The following ANKRD16 variants were observed in gnomAD, a reference collection of about 807,000 sequenced individuals.
ANKRD16 encodes the protein ankyrin repeat domain 16.
ANKRD16 carries 35 observed loss-of-function variants against 37.9 expected under a neutral mutation model. The ratio of observed to expected loss-of-function variants is 0.92; its 90% confidence interval spans 0.71 to 1.23. The LOEUF (loss-of-function observed/expected upper bound fraction) is 1.23, where lower values mean the gene tolerates loss of function less well. Among genes scored for constraint, ANKRD16 ranks in the 50% most tolerant of loss-of-function variants. ANKRD16 has a pLI of 0.00. For synonymous variants in ANKRD16, 206 were observed against 197.2 expected (o/e 1.04, Z -0.37); for missense variants, 480 against 469.9 (o/e 1.02, Z -0.20).
chr10:5,882,264 C>T (rs1027775733), intron 5 of ANKRD16, among the ~76,000 whole-genome samples: 1 of 151,834 alleles, frequency 6.6e-6, no homozygotes, highest in Non-Finnish European at 1.5e-5. Context: ...AACAAGTAGG[C>T]CGGGCATGGT....
chr10:5,883,277 C>G, intron 4 of ANKRD16, 110 bp from the exon 5 acceptor site: 1 of 1,109,226 alleles, frequency 9.0e-7, no homozygotes, highest in Non-Finnish European at 1.3e-6. Flanking sequence ...ACGCACAACT[C>G]TCTGGGCAGA....
chr10:5,885,736 C>T lies in ANKRD16; in HGVS notation c.565G>A (p.Val189Met), dbSNP rs779824081. 1.2e-6 allele frequency: 2 copies of T among 1,608,482 alleles called. No individual in the cohort carries two copies. Among genetic ancestry groups the T allele is most frequent in the Non-Finnish European group, 1.7e-6 (2 of 1,178,570 alleles). ...AMHGHLEAVK[V>M]LLKRCQYEPD... ...TATTGTTCTTACCTCTTAAGAAGCA[C>T]CTTGACTGCCTCCAAATGGCCATGC... Residue 189 changes from valine (V) to methionine (M), a missense_variant, in exon 3 of 8, where the codon GTG becomes ATG. Coordinates refer to ENST00000380094, the MANE Select transcript of ANKRD16 (RefSeq NM_019046.3).
At chr10:5,888,676 G>A (rs1842503864) in intron 1 of ANKRD16, among the ~76,000 whole-genome samples, 2 of 152,250 alleles carry the variant, frequency 1.3e-5, no homozygotes, top group South Asian at 4.1e-4. Context: ...TTGAAACAAT[G>A]CATTGGTGCA....
chr10:5,883,618 A>G (rs1274246014), intron 4 of ANKRD16, among the ~76,000 whole-genome samples: 2 of 152,226 alleles, frequency 1.3e-5, no homozygotes, highest in African/African-American at 4.8e-5. Context: ...TCTCTAATCA[A>G]AAAGATGGTT....
At position 5,866,644 on chromosome 10, in the gene ANKRD16, C is replaced by T. The variant is rs1245328045; in HGVS notation, c.*34-3953G>A. Among the ~76,000 whole-genome samples, 1 of 152,222 alleles carries T rather than the reference C, an allele frequency of 6.6e-6. No homozygotes were observed. Among genetic ancestry groups the T allele is most frequent in the Non-Finnish European group, 1.5e-5 (1 of 68,040 alleles). Reference sequence around the variant, plus strand: ...AAGGAAATCATGGAGTTATTGCACGCAGTGCAAAAACCCAAGGAGGTGGCA... The same window carrying T: ...AAGGAAATCATGGAGTTATTGCACGTAGTGCAAAAACCCAAGGAGGTGGCA... On this transcript the variant is annotated intron_variant, in intron 7 of 7. Coordinates refer to ENST00000380094, the MANE Select transcript of ANKRD16 (RefSeq NM_019046.3). The surrounding 1 kb of genome is among the most constrained non-coding windows in gnomAD (Gnocchi z 4.3).
intron 7 of ANKRD16, among the ~76,000 whole-genome samples, chr10:5,873,151 T>A (rs1300434018): frequency 6.6e-6 from 1 of 151,388 alleles, no homozygotes; most frequent in African/African-American, 2.4e-5. Context: ...TGCCTCAGCC[T>A]CCCAAGCAGC....
intron 7 of ANKRD16, among the ~76,000 whole-genome samples, chr10:5,872,820 T>C (rs1321388018): frequency 6.6e-6 from 1 of 151,814 alleles, no homozygotes; most frequent in African/African-American, 2.4e-5. Context: ...CCTCCCAAAG[T>C]GCTGGCATTA....
chr10:5,866,108 T>C lies in ANKRD16; in HGVS notation c.*34-3417A>G, dbSNP rs997960929. ...ACTACTCATGATGTAAATGGCATAA[T>C]AGGTGCCAAAGGAAGTTATGGCTAT... is the stretch of plus-strand genomic sequence containing the variant. On this transcript the variant is annotated intron_variant, in intron 7 of 7. Transcript: ENST00000380094. This position sits in a 1 kb window ranked among gnomAD's most constrained non-coding sequence, Gnocchi z 4.3. Among the ~76,000 whole-genome samples the C allele has an allele frequency of 3.9e-5, 6 of 152,114 alleles. No individual in the cohort carries two copies. The highest frequency in any genetic ancestry group is 1.3e-4 in the Admixed American group (2 of 15,270).
At chr10:5,883,908 A>G (rs947499202) in intron 4 of ANKRD16, 61 bp downstream of exon 4, 35 of 1,465,706 alleles carry the variant, frequency 2.4e-5, no homozygotes, top group Non-Finnish European at 3.0e-5. Flanking sequence ...TGCTCTGCTT[A>G]ACCTGTGACC....
intron 1 of ANKRD16, 114 bp downstream of exon 1, chr10:5,888,927 G>T: frequency 8.3e-7 from 1 of 1,200,528 alleles, no homozygotes; most frequent in Non-Finnish European, 1.1e-6. Flanking sequence ...GGCCTGGGGT[G>T]AGAACTAGGA....
intron 5 of ANKRD16, chr10:5,881,028 G>T: frequency 5.0e-6 from 1 of 201,192 alleles, no homozygotes; most frequent in Non-Finnish European, 8.7e-6. Flanking sequence ...CAAACTTCTG[G>T]GCTCAAGGGA....
rs776779792 is a variant in ANKRD16, at chr10:5,865,176, G to A, written c.*34-2485C>T. The stretch of plus-strand genomic sequence containing the variant: ...TTCAGAGAGCACAGAAAATGGAGCA[G>A]GCCAATCACCTGGTAGGGCTTGTTA... On this transcript the variant is annotated intron_variant, in intron 7 of 7. Transcript: ENST00000380094. The surrounding 1 kb of genome is among the most constrained non-coding windows in gnomAD (Gnocchi z 4.7). Among the ~76,000 whole-genome samples, 1 of 152,200 alleles carries A rather than the reference G, an allele frequency of 6.6e-6. No individual in the cohort carries two copies. Among genetic ancestry groups the A allele is most frequent in the Non-Finnish European group, 1.5e-5 (1 of 68,036 alleles).
rs770952763 is a variant in ANKRD16 at position 5,888,085 on chromosome 10, A to C, written c.315-18T>G. 2.5e-6 allele frequency: 4 copies of C among 1,610,782 alleles called. No individual in the cohort carries two copies. The East Asian group carries it at 8.9e-5, about 36-fold the overall frequency. On this transcript the variant is annotated intron_variant, in intron 1 of 7. Transcript: ENST00000380094. The stretch of plus-strand genomic sequence containing the variant: ...GAGGAGTCCTAAGGCCAACCAGGAG[A>C]AGCTGTCAGATGGAGGCAGCTGAGA...
intron 7 of ANKRD16, among the ~76,000 whole-genome samples, chr10:5,872,730 GTA>G (rs1842117605): frequency 6.6e-6 from 1 of 150,900 alleles, no homozygotes; most frequent in African/African-American, 2.4e-5. Flanking sequence ...CTAATTTTTT[GTA>G]TTTTTAGTAG....
At chr10:5,876,591 G>C (rs932589017) in intron 7 of ANKRD16, among the ~76,000 whole-genome samples, 3 of 152,192 alleles carry the variant, frequency 2.0e-5, no homozygotes, top group Admixed American at 2.0e-4. Context: ...GTGTAATTTA[G>C]AGGTCACAAG....
chr10:5,870,845 T>C lies in ANKRD16; in HGVS notation c.*33+7252A>G, dbSNP rs1167484101. ...GGTTGAAATGCCTGCAGAACCCTCC[T>C]GTTGCTGTGCTCAGGCCAGAAGCTG... On this transcript the variant is annotated intron_variant, in intron 7 of 7. Transcript: ENST00000380094. This position sits in a 1 kb window ranked among gnomAD's most constrained non-coding sequence, Gnocchi z 5.0. Among the ~76,000 whole-genome samples, 3 of 152,200 alleles carry C rather than the reference T, an allele frequency of 2.0e-5. No individual in the cohort carries two copies. The highest frequency in any genetic ancestry group is 4.4e-5 in the Non-Finnish European group (3 of 68,026).
chr10:5,878,048 CT>C lies in ANKRD16; in HGVS notation c.*33+48del. The C allele has an allele frequency of 6.5e-7, 1 of 1,531,132 alleles. No individual in the cohort carries two copies. Among genetic ancestry groups the C allele is most frequent in the Non-Finnish European group, 8.8e-7 (1 of 1,135,346 alleles). The allele number at this position is 1,531,132 out of a possible 1,614,324, so 94.8% of individuals were successfully genotyped here. On this transcript the variant is annotated intron_variant, in intron 7 of 7. Transcript: ENST00000380094. The surrounding 1 kb of genome is among the most constrained non-coding windows in gnomAD (Gnocchi z 5.1). The stretch of plus-strand genomic sequence containing the variant: ...GAGGAGATGGAAAACTGGCTTCCAA[CT>C]GGTTTCGCTGAATCTGTGACTGACT...
chr10:5,883,096 T>G lies in ANKRD16; in HGVS notation c.759A>C (p.Glu253Asp), dbSNP rs1842347246. ...GTTCAGAGACCAAGAATCGGATGGC[T>G]TCGTCCTGCCCTGTGACAGCTGCCC... ...LHRAAVTGQDEAIRFLVSELG... is the reference protein window; with the variant it reads ...LHRAAVTGQDDAIRFLVSELG... Residue 253 changes from glutamate to aspartate, a missense_variant, in exon 5 of 8, where the codon GAA becomes GAC. Transcript: ENST00000380094. 6.2e-7 allele frequency: 1 copy of G among 1,614,110 alleles called. No individual in the cohort carries two copies. The highest frequency in any genetic ancestry group is 2.2e-5 in the East Asian group (1 of 44,878).
intron 6 of ANKRD16, among the ~76,000 whole-genome samples, chr10:5,879,832 A>G (rs979913827): frequency 4.6e-5 from 7 of 152,206 alleles, no homozygotes; most frequent in African/African-American, 1.7e-4. Flanking sequence ...AGAGAAAAAG[A>G]TATTTTAAGG....
Sources: gnomAD v4.1 joint callset for allele counts (sites outside exome capture counted in the v4.1 genomes callset) on GRCh38, gnomAD v4.1.1 for gene constraint, Gnocchi (gnomAD v3.1) non-coding constraint, MANE v1.5 for transcripts, NCBI Gene and HGNC (gene_info 2026-07-23, HGNC 2026-07-21) for gene names.